The following TEX264 variants were observed in gnomAD, a reference collection of about 807,000 sequenced individuals.
TEX264 encodes testis expressed 264, ER-phagy receptor, also known as testis-expressed protein 264.
Under a neutral mutation model 23.4 loss-of-function variants are expected in TEX264, and 13 were observed. That is an observed-to-expected ratio of 0.56 (90% confidence interval 0.36 to 0.88). The LOEUF (loss-of-function observed/expected upper bound fraction) is 0.88. TEX264 is among the 40% of genes least tolerant of loss of function. TEX264 has a pLI of 0.01. For missense variants in TEX264, 340 were observed against 406.8 expected, an observed-to-expected ratio of 0.84 and a Z score of 1.41; for synonymous variants, 159 against 170.0, an observed-to-expected ratio of 0.94 and a Z score of 0.50.
chr3:51,701,883 CA>C (rs1703318187), intron 4 of TEX264, among the ~76,000 whole-genome samples: 1 of 152,234 alleles, frequency 6.6e-6, no homozygotes, highest in Non-Finnish European at 1.5e-5. Context: ...CCACCTGCCT[CA>C]GCTTCCCAAA....
In TEX264 at chr3:51,674,498, C is replaced by T. The variant is rs1265132441; in HGVS notation, c.194C>T (p.Thr65Ile). 4 of 1,614,236 alleles carry T rather than the reference C, an allele frequency of 2.5e-6. No individual in the cohort carries two copies. Among genetic ancestry groups the T allele is most frequent in the Admixed American group, 3.3e-5 (2 of 60,030 alleles). The change falls in exon 2 of 5, where the codon ACT (threonine) becomes ATT (isoleucine). Residue 65 changes from threonine to isoleucine, a missense_variant. Thr to Ile is a moderately conservative substitution (Grantham distance 89). Transcript: ENST00000341333. Reference sequence around the variant, plus strand: ...TATGGTGAGACTGGGCGGCTTTTCACTGAGAGCTGCAGCATCTCTCCCAAG... The same window carrying T: ...TATGGTGAGACTGGGCGGCTTTTCATTGAGAGCTGCAGCATCTCTCCCAAG... ...GLYGETGRLF[T>I]ESCSISPKLR... is the part of the protein sequence containing the mutation.
At chr3:51,675,086 C>A (rs1398882582) in intron 2 of TEX264, among the ~76,000 whole-genome samples, 4 of 152,214 alleles carry the variant, frequency 2.6e-5, no homozygotes, top group Non-Finnish European at 5.9e-5. Context: ...TGATGCCCCT[C>A]AACCTGGTGA....
At chr3:51,672,892 T>C (rs1371502032) in intron 1 of TEX264, among the ~76,000 whole-genome samples, 1 of 151,984 alleles carries the variant, frequency 6.6e-6, no homozygotes, top group Non-Finnish European at 1.5e-5. Context: ...TCAAAGAAAA[T>C]TGGAATGAAA....
Position 51,699,496 on chromosome 3 carries a change from T to C in TEX264, c.571T>C (p.Tyr191His), listed in dbSNP as rs778874112. 2 of 1,614,104 alleles carry C rather than the reference T, an allele frequency of 1.2e-6. No individual in the cohort carries two copies. Among genetic ancestry groups the C allele is most frequent in the Non-Finnish European group, 1.7e-6 (2 of 1,179,946 alleles). ...CCCACTGGCACGGCAGGGAGACTTC[T>C]ATGTGCCTGAGATGAAGGAGACAGA... ...MCPLARQGDF[Y>H]VPEMKETEWK... is the part of the protein sequence containing the mutation. Residue 191 changes from tyrosine (Y) to histidine (H), a missense_variant, in exon 4 of 5, where the codon TAT becomes CAT. Coordinates refer to ENST00000341333, the MANE Select transcript of TEX264 (RefSeq NM_015926.6).
At chr3:51,687,045 C>T (rs577508276) in intron 3 of TEX264, among the ~76,000 whole-genome samples, 4 of 152,226 alleles carry the variant, frequency 2.6e-5, no homozygotes, top group Non-Finnish European at 5.9e-5. Context: ...CCTCCTTCCT[C>T]CCCGCTCCCA....
At chr3:51,696,918 T>C (rs1372178550) in intron 3 of TEX264, among the ~76,000 whole-genome samples, 1 of 152,212 alleles carries the variant, frequency 6.6e-6, no homozygotes, top group Non-Finnish European at 1.5e-5. Flanking sequence ...GTTTTGGGCC[T>C]GAGGCTGCCC....
At chr3:51,671,502 C>T (rs557592571) in intron 1 of TEX264, 6 of 154,722 alleles carry the variant, frequency 3.9e-5, no homozygotes, top group Non-Finnish European at 5.9e-5. Context: ...TCCGGGCAGC[C>T]CACTTCCGCG....
chr3:51,692,316 A>C (rs941305199), intron 3 of TEX264, among the ~76,000 whole-genome samples: 11 of 151,990 alleles, frequency 7.2e-5, no homozygotes, highest in African/African-American at 2.7e-4. Context: ...CCAAGGAGAG[A>C]ATTTGCAGTG....
chr3:51,691,924 C>A lies in TEX264; in HGVS notation c.480+7290C>A, dbSNP rs1170656354. Among the ~76,000 whole-genome samples, 1 of 152,212 alleles carries A rather than the reference C, an allele frequency of 6.6e-6. No individual in the cohort carries two copies. Among genetic ancestry groups the A allele is most frequent in the Non-Finnish European group, 1.5e-5 (1 of 68,036 alleles). On this transcript the variant is annotated intron_variant, in intron 3 of 4. Transcript: ENST00000341333. The surrounding 1 kb of genome is among the most constrained non-coding windows in gnomAD (Gnocchi z 4.4). ...ACCACGGCTTGGCTTCCCCGGCTCC[C>A]CTTAGGGAGCTACCCTTGGGTATTG...
chr3:51,685,231 A>G (rs1341528406), intron 3 of TEX264, among the ~76,000 whole-genome samples: 1 of 152,198 alleles, frequency 6.6e-6, no homozygotes, highest in Non-Finnish European at 1.5e-5. Context: ...GTCTACAGAA[A>G]TTTTTTTAAA....
intron 3 of TEX264, among the ~76,000 whole-genome samples, chr3:51,692,681 G>C (rs1014855406): frequency 6.6e-6 from 1 of 152,240 alleles, no homozygotes; most frequent in Non-Finnish European, 1.5e-5. Flanking sequence ...CAGGGCTCAA[G>C]GTCCTTGACT....
chr3:51,685,626 C>A (rs536684234), intron 3 of TEX264, among the ~76,000 whole-genome samples: 1 of 152,324 alleles, frequency 6.6e-6, no homozygotes, highest in African/African-American at 2.4e-5. Flanking sequence ...GGTCTAAATG[C>A]AGCAGGAAGT....
chr3:51,694,800 G>A (rs1009370597), intron 3 of TEX264, among the ~76,000 whole-genome samples: 3 of 152,192 alleles, frequency 2.0e-5, no homozygotes, highest in Non-Finnish European at 2.9e-5. Flanking sequence ...AGAGGGGAAG[G>A]TGCTCACCAG....
At chr3:51,697,998 G>A (rs930317644) in intron 3 of TEX264, among the ~76,000 whole-genome samples, 8 of 152,196 alleles carry the variant, frequency 5.3e-5, no homozygotes, top group Non-Finnish European at 8.8e-5. Flanking sequence ...AGCACATGGA[G>A]ACTTAGGATG....
chr3:51,677,160 A>C (rs1183313119), intron 2 of TEX264, among the ~76,000 whole-genome samples: 3 of 152,220 alleles, frequency 2.0e-5, no homozygotes, highest in Non-Finnish European at 4.4e-5. Flanking sequence ...GGAGAAACAG[A>C]TTCAGATAGT....
At chr3:51,676,496 G>T (rs1702234705) in intron 2 of TEX264, among the ~76,000 whole-genome samples, 1 of 152,200 alleles carries the variant, frequency 6.6e-6, no homozygotes, top group Admixed American at 6.5e-5. Flanking sequence ...AGGGTTGGTT[G>T]GTCATAGTCT....
intron 4 of TEX264, among the ~76,000 whole-genome samples, chr3:51,701,250 T>C (rs1467215343): frequency 6.6e-6 from 1 of 151,518 alleles, no homozygotes; most frequent in Non-Finnish European, 1.5e-5. Flanking sequence ...GATGCAGGCA[T>C]GGGACTCTGG....
chr3:51,673,698 A>G (rs539715095), intron 1 of TEX264, among the ~76,000 whole-genome samples: 3 of 152,290 alleles, frequency 2.0e-5, no homozygotes, highest in East Asian at 3.9e-4. Flanking sequence ...GTACTTAGAA[A>G]AGGAGAGTTT....
At chr3:51,687,744 T>C (rs1483586746) in intron 3 of TEX264, among the ~76,000 whole-genome samples, 1 of 151,996 alleles carries the variant, frequency 6.6e-6, no homozygotes, top group East Asian at 1.9e-4. Flanking sequence ...GGTGAATGGA[T>C]CTTAGCTTCG....
Sources: gnomAD v4.1 joint callset for allele counts (sites outside exome capture counted in the v4.1 genomes callset) on GRCh38, gnomAD v4.1.1 for gene constraint, Gnocchi (gnomAD v3.1) non-coding constraint, MANE v1.5 for transcripts, NCBI Gene and HGNC (gene_info 2026-07-23, HGNC 2026-07-21) for gene names.